Variants in SNTG1 observed in about 807,000 individuals in gnomAD.
SNTG1 encodes the protein syntrophin gamma 1.
In SNTG1, 39 loss-of-function variants were observed where a neutral mutation model predicts 74.7. The ratio of observed to expected loss-of-function variants is 0.52; its 90% CI spans 0.40 to 0.68. The LOEUF is 0.68. Ranked by LOEUF, SNTG1 falls within the 30% of genes least tolerant of loss-of-function variation. SNTG1 has a pLI of 0.00. For missense variants in SNTG1, 685 were observed against 609.5 expected, an observed-to-expected ratio of 1.12 and a Z score of -1.30; for synonymous variants, 254 against 217.1, an observed-to-expected ratio of 1.17 and a Z score of -1.49.
intron 12 of SNTG1, among the ~76,000 whole-genome samples, chr8:50,583,433 C>T (rs559562647): frequency 2.0e-5 from 3 of 150,756 alleles, no homozygotes; most frequent in Non-Finnish European, 4.4e-5. Flanking sequence ...ATACATGAGC[C>T]ATTAAACCAA....
chr8:50,510,419 G>T (rs935451743), intron 9 of SNTG1, among the ~76,000 whole-genome samples: 4 of 152,152 alleles, frequency 2.6e-5, no homozygotes, highest in Non-Finnish European at 4.4e-5. Context: ...TCAGGATGAT[G>T]CTGGCCTCAT....
intron 12 of SNTG1, among the ~76,000 whole-genome samples, chr8:50,567,365 G>A (rs2094521835): frequency 6.6e-6 from 1 of 151,986 alleles, no homozygotes; most frequent in South Asian, 2.1e-4. Flanking sequence ...TTCTATTAAG[G>A]TTACTTACAG....
At chr8:50,550,379 A>G (rs2094417605) in intron 11 of SNTG1, among the ~76,000 whole-genome samples, 1 of 152,340 alleles carries the variant, frequency 6.6e-6, no homozygotes, top group South Asian at 2.1e-4. Context: ...GGTAAAATCA[A>G]CAATGAATCA....
In SNTG1 at chr8:50,793,583, T is replaced by A. The variant is rs1478046443; in HGVS notation, c.*754T>A. On this transcript the variant is annotated 3_prime_UTR_variant, in exon 19 of 19. Coordinates refer to ENST00000642720, the MANE Select transcript of SNTG1 (RefSeq NM_018967.5). ...AATTTAATTATGAGTGATGGAAAATTTCATGAACCTCTCATTTCTTCCTTG... is the reference window on the plus strand; with the variant it reads ...AATTTAATTATGAGTGATGGAAAATATCATGAACCTCTCATTTCTTCCTTG... 1 of 151,892 alleles carries A rather than the reference T, an allele frequency of 6.6e-6. No individual in the cohort carries two copies. Among genetic ancestry groups the A allele is most frequent in the African/African-American group, 2.4e-5 (1 of 41,416 alleles). The allele number at this position is 151,892 out of a possible 1,614,324, so 9.4% of individuals were successfully genotyped here. A position where few individuals can be genotyped will look rare whatever the true frequency, so the allele number is the denominator to read the frequency against.
intron 1 of SNTG1, among the ~76,000 whole-genome samples, chr8:50,086,339 C>T (rs1427517744): frequency 6.6e-6 from 1 of 152,058 alleles, no homozygotes; most frequent in Non-Finnish European, 1.5e-5. Context: ...GCAGGGAGAC[C>T]ATTTGGAAGC....
At chr8:50,780,573 A>G (rs1217726349) in intron 18 of SNTG1, among the ~76,000 whole-genome samples, 32 of 151,690 alleles carry the variant, frequency 2.1e-4, no homozygotes, top group Admixed American at 1.9e-3. Context: ...TTTTTATTGC[A>G]TCTATTTGAT....
chr8:50,467,909 T>G (rs2093622084), intron 8 of SNTG1, among the ~76,000 whole-genome samples: 1 of 151,872 alleles, frequency 6.6e-6, no homozygotes, highest in Admixed American at 6.6e-5. Flanking sequence ...TATAGAAGAG[T>G]ACTGATTAAC....
chr8:50,565,118 C>T (rs1359868779), intron 12 of SNTG1, among the ~76,000 whole-genome samples: 1 of 151,920 alleles, frequency 6.6e-6, no homozygotes, highest in East Asian at 1.9e-4. Flanking sequence ...GTGGACAATC[C>T]CAACTGATGA....
chr8:50,526,854 C>T lies in SNTG1; in HGVS notation c.467-3323C>T, dbSNP rs751876247. Among the ~76,000 whole-genome samples the T allele has an allele frequency of 2.0e-5, 3 of 151,906 alleles. No individual in the cohort carries two copies. The East Asian group carries it at 5.8e-4, about 30-fold the overall frequency. On this transcript the variant is annotated intron_variant, in intron 9 of 18. Transcript: ENST00000642720. Reference sequence around the variant, plus strand: ...GGCCAGGATGGTCTCGATCTCCTGTCCTTGTGATCATCCCGCCTCATCCAC... The same window carrying T: ...GGCCAGGATGGTCTCGATCTCCTGTTCTTGTGATCATCCCGCCTCATCCAC...
chr8:50,481,580 T>C (rs2093741074), intron 8 of SNTG1, among the ~76,000 whole-genome samples: 1 of 152,162 alleles, frequency 6.6e-6, no homozygotes, highest in Non-Finnish European at 1.5e-5. Context: ...ATTTAAAAAC[T>C]TAACTGTTCT....
chr8:50,629,986 T>C (rs76014112), intron 13 of SNTG1, among the ~76,000 whole-genome samples: 6,559 of 152,306 alleles, frequency 0.043, 247 homozygotes, highest in African/African-American at 0.095. Context: ...CCATTTGATG[T>C]TTTTGTTCAA....
At chr8:50,716,068 G>A (rs887084497) in intron 17 of SNTG1, among the ~76,000 whole-genome samples, 3 of 152,022 alleles carry the variant, frequency 2.0e-5, no homozygotes, top group Non-Finnish European at 4.4e-5. Context: ...TCCCAAAGGT[G>A]TATGACCCTC....
At chr8:49,987,079 G>A (rs1456284901) in intron 1 of SNTG1, among the ~76,000 whole-genome samples, 1 of 152,136 alleles carries the variant, frequency 6.6e-6, no homozygotes, top group Non-Finnish European at 1.5e-5. Context: ...ATTACATTTT[G>A]GAAATTCTGA....
At chr8:50,260,576 AAAC>A (rs745448964) in intron 2 of SNTG1, among the ~76,000 whole-genome samples, 10 of 151,946 alleles carry the variant, frequency 6.6e-5, no homozygotes, top group Non-Finnish European at 1.2e-4. Flanking sequence ...AGAGAGTTTG[AAAC>A]AACAAGAAAA....
At chr8:50,367,538 A>G (rs1433939186) in intron 2 of SNTG1, among the ~76,000 whole-genome samples, 1 of 152,120 alleles carries the variant, frequency 6.6e-6, no homozygotes, top group Non-Finnish European at 1.5e-5. Flanking sequence ...GAATATTACT[A>G]TTTTTGATAA....
intron 15 of SNTG1, among the ~76,000 whole-genome samples, chr8:50,687,155 A>T (rs112402814): frequency 1.9e-4 from 6 of 31,536 alleles, no homozygotes; most frequent in Non-Finnish European, 3.2e-4. Flanking sequence ...AAAAAAAAAT[A>T]AAATAAACAT....
At chr8:50,768,110 G>A (rs1479565847) in intron 18 of SNTG1, among the ~76,000 whole-genome samples, 10 of 151,898 alleles carry the variant, frequency 6.6e-5, no homozygotes, top group Admixed American at 6.6e-4. Flanking sequence ...GATCATCGGA[G>A]GCTCCTTTTC....
At chr8:50,413,731 C>T (rs1265619727) in intron 4 of SNTG1, among the ~76,000 whole-genome samples, 1 of 152,156 alleles carries the variant, frequency 6.6e-6, no homozygotes, top group Admixed American at 6.5e-5. Flanking sequence ...CTGGATTCTC[C>T]ATTTTCTTAC....
At chr8:50,266,770 G>A (rs537029889) in intron 2 of SNTG1, among the ~76,000 whole-genome samples, 10 of 150,884 alleles carry the variant, frequency 6.6e-5, no homozygotes, top group East Asian at 2.0e-4. Flanking sequence ...CAAAAAAAGC[G>A]AAAGAGAAGT....
Sources: allele counts gnomAD v4.1 joint callset (sites outside exome capture counted in the v4.1 genomes callset), GRCh38; gene constraint gnomAD v4.1.1; transcripts MANE v1.5; gene names NCBI Gene and HGNC (gene_info 2026-07-23, HGNC 2026-07-21).